Variants in KMT2C observed in about 807,000 individuals in gnomAD.
The protein encoded by KMT2C is lysine methyltransferase 2C.
A neutral mutation model predicts 507.9 loss-of-function variants in KMT2C; 88 were observed. That is an observed-to-expected ratio of 0.17 (90% CI 0.15 to 0.21). The LOEUF is 0.21. Ranked by LOEUF, KMT2C falls within the 10% of genes least tolerant of loss-of-function variation. KMT2C has a pLI of 1.00. For missense variants in KMT2C, 4,954 were observed against 5,957.8 expected, an observed-to-expected ratio of 0.83 and a Z score of 5.55; for synonymous variants, 2,049 against 2,080.8, an observed-to-expected ratio of 0.98 and a Z score of 0.42.
chr7:152,316,115 T>A (rs1056085468), intron 3 of KMT2C, among the ~76,000 whole-genome samples: 8 of 151,866 alleles, frequency 5.3e-5, no homozygotes, highest in Admixed American at 3.9e-4. Flanking sequence ...AGTTCCTGGG[T>A]TGAGTGGTAG....
rs1439170675 is a variant in KMT2C, at chr7:152,180,885, C to A, written c.6975G>T (p.Gln2325His). Residue 2325 changes from glutamine to histidine, a missense_variant, in exon 36 of 59, where the codon CAG becomes CAT. Transcript: ENST00000262189. ...AGCTCCCCTCTGATCCAGGCCTTGG[C>A]TGATCAGCAACATCATGGGCAGTTT... ...TSQTAHDVAD[Q>H]PRPGSEGSFC... 6.2e-7 allele frequency: 1 copy of A among 1,614,050 alleles called. No homozygotes were observed. Among genetic ancestry groups the A allele is most frequent in the Admixed American group, 1.7e-5 (1 of 59,996 alleles).
At chr7:152,211,168 T>C (rs962975332) in intron 23 of KMT2C, among the ~76,000 whole-genome samples, 4 of 152,192 alleles carry the variant, frequency 2.6e-5, no homozygotes, top group Non-Finnish European at 4.4e-5. Flanking sequence ...GCAGGTCACA[T>C]AGAGAGAACC....
At chr7:152,366,780 C>A (rs2097249425) in intron 1 of KMT2C, 1 of 206,892 alleles carries the variant, frequency 4.8e-6, no homozygotes, top group Non-Finnish European at 9.6e-6. Context: ...AGCCGCTGAG[C>A]TGCAGCCCTT....
intron 3 of KMT2C, among the ~76,000 whole-genome samples, chr7:152,325,911 CTT>C (rs74740965): frequency 7.7e-4 from 105 of 136,292 alleles, no homozygotes; most frequent in African/African-American, 2.6e-3. Context: ...TTAGGTCTTT[CTT>C]TTTTTTTTTT....
At chr7:152,320,015 G>C (rs572113051) in intron 3 of KMT2C, among the ~76,000 whole-genome samples, 21 of 152,184 alleles carry the variant, frequency 1.4e-4, no homozygotes, top group African/African-American at 4.8e-4. Context: ...CCGCGTCTTG[G>C]TGGTAGTGGT....
At chr7:152,414,225 T>C (rs7795612) in intron 1 of KMT2C, among the ~76,000 whole-genome samples, 54,584 of 139,520 alleles carry the variant, frequency 0.39, 10,217 homozygotes, top group Middle Eastern at 0.52. Flanking sequence ...AAAAAAAAAA[T>C]GCATATGAAA....
chr7:152,260,664 T>C (rs991854339), intron 9 of KMT2C, among the ~76,000 whole-genome samples: 1 of 152,220 alleles, frequency 6.6e-6, no homozygotes, highest in Admixed American at 6.5e-5. Context: ...ATTTGTAATA[T>C]GAAACATTAT....
chr7:152,423,069 G>A (rs1021281767), intron 1 of KMT2C, among the ~76,000 whole-genome samples: 12 of 151,158 alleles, frequency 7.9e-5, no homozygotes, highest in Admixed American at 4.0e-4. Context: ...AGCCGGGTGC[G>A]GTGGCTCACG....
intron 39 of KMT2C, among the ~76,000 whole-genome samples, chr7:152,172,166 A>T (rs973777362): frequency 2.0e-5 from 3 of 152,156 alleles, no homozygotes; most frequent in African/African-American, 7.2e-5. Context: ...CACCCTACCC[A>T]CTGCTACAGG....
chr7:152,413,150 C>T (rs963326945), intron 1 of KMT2C, among the ~76,000 whole-genome samples: 3 of 152,112 alleles, frequency 2.0e-5, no homozygotes, highest in African/African-American at 7.2e-5. Context: ...CAGGGTCTCA[C>T]TTTGTCCAGG....
chr7:152,435,452 G>A (rs1052434767), intron 1 of KMT2C, among the ~76,000 whole-genome samples, 174 bp downstream of exon 1: 5 of 146,270 alleles, frequency 3.4e-5, no homozygotes, highest in Non-Finnish European at 7.6e-5. Context: ...GGGCGCGGGC[G>A]GCTACCGAGG....
At chr7:152,196,799 T>C (rs1197927530) in intron 27 of KMT2C, among the ~76,000 whole-genome samples, 2 of 152,216 alleles carry the variant, frequency 1.3e-5, no homozygotes, top group African/African-American at 2.4e-5. Context: ...GTAAGTTATA[T>C]GCACAAAGAT....
chr7:152,367,584 A>C, intron 1 of KMT2C: 1 of 1,278,398 alleles, frequency 7.8e-7, no homozygotes, highest in South Asian at 1.2e-5. Context: ...TGTATGCTCC[A>C]GAGTATCCAG....
chr7:152,385,420 G>T (rs1190095439), intron 1 of KMT2C, among the ~76,000 whole-genome samples: 1 of 135,016 alleles, frequency 7.4e-6, no homozygotes, highest in Non-Finnish European at 1.5e-5. Flanking sequence ...AGACCATCCC[G>T]GCTAAAACGG....
chr7:152,207,922 C>A (rs535671998), intron 23 of KMT2C, among the ~76,000 whole-genome samples: 16 of 152,274 alleles, frequency 1.1e-4, no homozygotes, highest in African/African-American at 3.4e-4. Context: ...TGGAAGACCA[C>A]CTCAATCATT....
rs542986011 is a variant in KMT2C at position 152,330,642 on chromosome 7, C to A, written c.348G>T (p.Ser116=). The A allele has an allele frequency of 5.0e-6, 8 of 1,614,134 alleles. No individual in the cohort carries two copies. In the South Asian group the frequency reaches 8.8e-5, roughly 18 times the overall value. ...CACCAACAGAGACCAGGGAGTTTGC[C>A]GATTCCTCAGACACAGATCGCTGAA... is the stretch of plus-strand genomic sequence containing the variant. ...PTLQRSVSEE[S]ANSLVSVGVE... is the part of the protein sequence containing the mutation. The change falls in exon 3 of 59, where the codon TCG becomes TCT. Residue 116 remains serine (S), a synonymous_variant. Transcript: ENST00000262189.
intron 23 of KMT2C, among the ~76,000 whole-genome samples, chr7:152,218,406 C>T (rs901292219): frequency 1.1e-4 from 17 of 152,138 alleles, no homozygotes; most frequent in African/African-American, 3.4e-4. Context: ...TCAGGTGATC[C>T]ACCCGCCTTG....
chr7:152,325,326 T>C (rs1173358882), intron 3 of KMT2C, among the ~76,000 whole-genome samples: 1 of 152,012 alleles, frequency 6.6e-6, no homozygotes, highest in Non-Finnish European at 1.5e-5. Context: ...TTTTTGTATT[T>C]TTAGTAGAGA....
At chr7:152,140,951 C>A (rs1034875687) in intron 55 of KMT2C, among the ~76,000 whole-genome samples, 1 of 152,126 alleles carries the variant, frequency 6.6e-6, no homozygotes, top group African/African-American at 2.4e-5. Flanking sequence ...TGAAGAGATT[C>A]CAAATGGGCC....
Sources: allele counts gnomAD v4.1 joint callset (sites outside exome capture counted in the v4.1 genomes callset), GRCh38; gene constraint gnomAD v4.1.1; transcripts MANE v1.5; gene names NCBI Gene and HGNC (gene_info 2026-07-23, HGNC 2026-07-21).